Variants in CASZ1 observed in about 807,000 individuals in gnomAD.
CASZ1 encodes zinc finger protein castor homolog 1.
CASZ1 carries 28 observed loss-of-function variants against 135.2 expected under a neutral mutation model. The ratio of observed to expected loss-of-function variants is 0.21; its 90% CI spans 0.15 to 0.28. The LOEUF is 0.28. Ranked by LOEUF, CASZ1 falls within the 10% of genes least tolerant of loss-of-function variation. The pLI is 1.00. For missense variants in CASZ1, 2,161 were observed against 2,453.3 expected (o/e 0.88, Z 2.52); for synonymous variants, 1,068 against 1,073.4 (o/e 0.99, Z 0.10).
At position 10,762,603 on chromosome 1, in the gene CASZ1, T is replaced by C. The variant is rs1640398593; in HGVS notation, c.-233-1746A>G. On this transcript the variant is annotated intron_variant, in intron 1 of 20. Transcript: ENST00000377022. This position sits in a 1 kb window ranked among gnomAD's most constrained non-coding sequence, Gnocchi z 4.1. ...GCATGCCTTGGACCACCTACACTCC[T>C]ACTCCAAGAATCTCCATCTGCTGGG... Among the ~76,000 whole-genome samples, 2 of 152,050 alleles carry C rather than the reference T, an allele frequency of 1.3e-5. No homozygotes were observed. The highest frequency in any genetic ancestry group is 4.8e-5 in the African/African-American group (2 of 41,392).
At chr1:10,682,920 T>C (rs1570469679) in intron 4 of CASZ1, among the ~76,000 whole-genome samples, 1 of 152,264 alleles carries the variant, frequency 6.6e-6, no homozygotes, top group Non-Finnish European at 1.5e-5. Flanking sequence ...GTCATCCCCC[T>C]GCTTCTTGTG....
chr1:10,771,168 G>A (rs1188881365), intron 1 of CASZ1, among the ~76,000 whole-genome samples: 3 of 152,064 alleles, frequency 2.0e-5, no homozygotes, highest in Admixed American at 1.3e-4. Flanking sequence ...CAAGCTGGGG[G>A]TGCGGGACAG....
rs1253564082 is a variant in CASZ1, at chr1:10,694,887, C to A, written c.-23-975G>T. Among the ~76,000 whole-genome samples the A allele has an allele frequency of 7.0e-6, 1 of 143,884 alleles. No homozygotes were observed. Among genetic ancestry groups the A allele is most frequent in the Non-Finnish European group, 1.5e-5 (1 of 64,906 alleles). The allele number at this position is 143,884 out of a possible 152,430, so 94.4% of individuals were successfully genotyped here. On this transcript the variant is annotated intron_variant, in intron 3 of 20. Transcript: ENST00000377022. The surrounding 1 kb of genome is among the most constrained non-coding windows in gnomAD (Gnocchi z 6.6). The stretch of plus-strand genomic sequence containing the variant: ...GCGGGCACGCGCCCACTCTTGCCGG[C>A]CGCCGGCGGCCGCGCGCGCGCTCGC...
intron 4 of CASZ1, among the ~76,000 whole-genome samples, chr1:10,672,298 G>A (rs1190537127): frequency 3.2e-5 from 4 of 124,936 alleles, no homozygotes; most frequent in Admixed American, 2.0e-4. Flanking sequence ...AACATGCCCC[G>A]CGCCCGGGCC....
intron 2 of CASZ1, among the ~76,000 whole-genome samples, chr1:10,718,890 G>C (rs1225971213): frequency 6.6e-6 from 1 of 151,696 alleles, no homozygotes. Context: ...TTTTTTTTAA[G>C]ACAGGGTCTC....
intron 1 of CASZ1, among the ~76,000 whole-genome samples, chr1:10,770,017 G>T (rs1640547184): frequency 6.6e-6 from 1 of 152,110 alleles, no homozygotes; most frequent in Non-Finnish European, 1.5e-5. Context: ...TTATAACCAG[G>T]TATCTCTGTC....
At position 10,709,813 on chromosome 1, in the gene CASZ1, CG is replaced by C. The variant is rs1018059995; in HGVS notation, c.-76-4270del. Among the ~76,000 whole-genome samples, 1 of 152,168 alleles carries C rather than the reference CG, an allele frequency of 6.6e-6. No individual in the cohort carries two copies. The highest frequency in any genetic ancestry group is 6.5e-5 in the Admixed American group (1 of 15,282). On this transcript the variant is annotated intron_variant, in intron 2 of 20. Coordinates refer to ENST00000377022, the MANE Select transcript of CASZ1 (RefSeq NM_001079843.3). The surrounding 1 kb of genome is among the most constrained non-coding windows in gnomAD (Gnocchi z 5.1). ...CAAAACGGAAAGGTCAGAGGAAGCC[CG>C]GAACTTTTACACAGCAGTTAGCAGG...
intron 2 of CASZ1, among the ~76,000 whole-genome samples, chr1:10,738,472 G>C (rs1437159207): frequency 1.3e-5 from 2 of 152,252 alleles, no homozygotes; most frequent in African/African-American, 4.8e-5. Context: ...GAGGCCACCT[G>C]CCTGCTGGCT....
chr1:10,669,178 T>C (rs1643328707), intron 4 of CASZ1, among the ~76,000 whole-genome samples: 1 of 152,150 alleles, frequency 6.6e-6, no homozygotes, highest in Admixed American at 6.5e-5. Context: ...CATTGTCCCA[T>C]TTCATAGAGG....
intron 3 of CASZ1, among the ~76,000 whole-genome samples, chr1:10,698,075 A>C (rs1050611923): frequency 1.3e-5 from 2 of 152,194 alleles, no homozygotes; most frequent in African/African-American, 4.8e-5. Flanking sequence ...TGAGAAGGAA[A>C]CAAAGGGGAG....
intron 2 of CASZ1, among the ~76,000 whole-genome samples, chr1:10,749,532 C>A (rs577682417): frequency 1.3e-5 from 2 of 152,272 alleles, no homozygotes; most frequent in East Asian, 3.9e-4. Context: ...CAGGTGTGAG[C>A]CACCACGCCC....
chr1:10,697,635 C>T lies in CASZ1; in HGVS notation c.-23-3723G>A, dbSNP rs978272959. 5.9e-5 allele frequency among the ~76,000 whole-genome samples: 9 copies of T among 152,132 alleles called. No homozygotes were observed. Among genetic ancestry groups the T allele is most frequent in the African/African-American group, 1.9e-4 (8 of 41,414 alleles). On this transcript the variant is annotated intron_variant, in intron 3 of 20. Coordinates refer to ENST00000377022, the MANE Select transcript of CASZ1 (RefSeq NM_001079843.3). This position sits in a 1 kb window ranked among gnomAD's most constrained non-coding sequence, Gnocchi z 4.7. ...TTGCCCACCTACACTCTCTCCCTCC[C>T]GAGCCTGGGGCCTTCTCACTCACCA...
At chr1:10,663,077 G>A (rs1417699290) in intron 5 of CASZ1, among the ~76,000 whole-genome samples, 2 of 152,204 alleles carry the variant, frequency 1.3e-5, no homozygotes, top group Non-Finnish European at 2.9e-5. Context: ...CACGGCCCCC[G>A]GGGACACCAT....
chr1:10,693,422 A>G (rs1483565457), intron 4 of CASZ1, among the ~76,000 whole-genome samples: 1 of 151,478 alleles, frequency 6.6e-6, no homozygotes, highest in Non-Finnish European at 1.5e-5. Context: ...CTGCTTTCAA[A>G]AACTAAACCA....
chr1:10,733,904 C>T (rs1190366957), intron 2 of CASZ1, among the ~76,000 whole-genome samples: 1 of 152,154 alleles, frequency 6.6e-6, no homozygotes, highest in African/African-American at 2.4e-5. Context: ...TGAAATAATG[C>T]AGCTAAAGGG....
chr1:10,795,311 C>G (rs1303686150), intron 1 of CASZ1, among the ~76,000 whole-genome samples: 2 of 152,180 alleles, frequency 1.3e-5, no homozygotes, highest in Non-Finnish European at 2.9e-5. Context: ...CCGGCTCTCT[C>G]CCTTTGGTGT....
chr1:10,638,674 GGACCCCT>G lies in CASZ1; in HGVS notation c.*261_*267del, dbSNP rs541044162. On this transcript the variant is annotated 3_prime_UTR_variant, in exon 21 of 21. Coordinates refer to ENST00000377022, the MANE Select transcript of CASZ1 (RefSeq NM_001079843.3). The surrounding 1 kb of genome is among the most constrained non-coding windows in gnomAD (Gnocchi z 5.9). ...CCGGGAGCTGCGCCGCATTCGCCCG[GGACCCCT>G]GCTCCTAGGTTCCCTACCCCGGGAC... 2.6e-3 allele frequency: 431 copies of G among 166,008 alleles called. 2 individuals are homozygous for G. The highest frequency in any genetic ancestry group is 1.0e-2 in the African/African-American group (416 of 41,724). The allele number at this position is 166,008 out of a possible 1,614,324, so 10.3% of individuals were successfully genotyped here. A position where few individuals can be genotyped will look rare whatever the true frequency, so the allele number is the denominator to read the frequency against.
rs1639772202 is a variant in CASZ1 at position 10,735,103 on chromosome 1, C to T, written c.-77+25598G>A. Among the ~76,000 whole-genome samples, 1 of 152,136 alleles carries T rather than the reference C, an allele frequency of 6.6e-6. No individual in the cohort carries two copies. Among genetic ancestry groups the T allele is most frequent in the African/African-American group, 2.4e-5 (1 of 41,410 alleles). On this transcript the variant is annotated intron_variant, in intron 2 of 20. Coordinates refer to ENST00000377022, the MANE Select transcript of CASZ1 (RefSeq NM_001079843.3). The surrounding 1 kb of genome is among the most constrained non-coding windows in gnomAD (Gnocchi z 5.1). The stretch of plus-strand genomic sequence containing the variant: ...AGAAATTGAACACTTTTGAGTTGCC[C>T]TTAGCAACCTAATTGCATCAGTACA...
rs991065150 is a variant in CASZ1 at position 10,647,456 on chromosome 1, C to T, written c.3497+345G>A. ...CACAGAGGAGGCCAATACGGAGGCT[C>T]GGAGGGAGACGCAGCCCTCCTTGTC... is the stretch of plus-strand genomic sequence containing the variant. On this transcript the variant is annotated intron_variant, in intron 16 of 20. Transcript: ENST00000377022. This position sits in a 1 kb window ranked among gnomAD's most constrained non-coding sequence, Gnocchi z 4.9. 1.2e-5 allele frequency: 14 copies of T among 1,203,484 alleles called. No individual in the cohort carries two copies. In the African/African-American group the frequency reaches 1.4e-4, roughly 12 times the overall value. 74.6% of individuals were successfully genotyped at this position (1,203,484 alleles called of 1,614,324 possible). A position where few individuals can be genotyped will look rare whatever the true frequency, so the allele number is the denominator to read the frequency against.
Sources: gnomAD v4.1 joint callset for allele counts (sites outside exome capture counted in the v4.1 genomes callset) on GRCh38, gnomAD v4.1.1 for gene constraint, Gnocchi (gnomAD v3.1) non-coding constraint, MANE v1.5 for transcripts, NCBI Gene and HGNC (gene_info 2026-07-23, HGNC 2026-07-21) for gene names.